NRXN1: variants seen among roughly 807,000 people sequenced by gnomAD.
NRXN1 encodes neurexin 1.
A neutral mutation model predicts 150.9 loss-of-function variants in NRXN1; 39 were observed. That is an observed-to-expected ratio of 0.26 (90% CI 0.20 to 0.34). The LOEUF (loss-of-function observed/expected upper bound fraction) is 0.34, where lower values mean the gene tolerates loss of function less well. NRXN1 is among the 10% of genes least tolerant of loss of function. The pLI is 1.00. For synonymous variants in NRXN1, 924 were observed against 757.0 expected, an observed-to-expected ratio of 1.22 and a Z score of -3.62; for missense variants, 1,815 against 1,949.9, an observed-to-expected ratio of 0.93 and a Z score of 1.30.
At chr2:50,701,901 C>G (rs975586060) in intron 5 of NRXN1, among the ~76,000 whole-genome samples, 1 of 152,180 alleles carries the variant, frequency 6.6e-6, no homozygotes, top group Admixed American at 6.5e-5. Context: ...AATTTGTAAC[C>G]AGTCCCTCAT....
At chr2:50,775,249 C>T (rs1345335773) in intron 5 of NRXN1, among the ~76,000 whole-genome samples, 1 of 152,084 alleles carries the variant, frequency 6.6e-6, no homozygotes, top group Non-Finnish European at 1.5e-5. Context: ...GATTCTCTAA[C>T]AGTAGCAGAC....
At chr2:50,116,847 G>A (rs773543321) in intron 18 of NRXN1, among the ~76,000 whole-genome samples, 1 of 152,124 alleles carries the variant, frequency 6.6e-6, no homozygotes, top group Non-Finnish European at 1.5e-5. Context: ...TGAAAACAGG[G>A]TGGTTTTTCT....
At chr2:50,569,976 C>T (rs1034585701) in intron 8 of NRXN1, among the ~76,000 whole-genome samples, 5 of 152,164 alleles carry the variant, frequency 3.3e-5, no homozygotes, top group Non-Finnish European at 7.3e-5. Flanking sequence ...TTGTCTAATA[C>T]GGATGCTCTC....
chr2:50,863,451 G>A (rs1676432012), intron 5 of NRXN1, among the ~76,000 whole-genome samples: 1 of 151,908 alleles, frequency 6.6e-6, no homozygotes, highest in African/African-American at 2.4e-5. Flanking sequence ...GAGTAAACCT[G>A]CTTCAGAGTC....
intron 2 of NRXN1, among the ~76,000 whole-genome samples, chr2:50,937,643 G>C (rs1040832225): frequency 6.6e-6 from 1 of 152,004 alleles, no homozygotes; most frequent in Non-Finnish European, 1.5e-5. Flanking sequence ...TTATGAAGTA[G>C]ATGATGATGA....
chr2:50,691,169 G>A (rs527857447), intron 5 of NRXN1, among the ~76,000 whole-genome samples: 5 of 152,198 alleles, frequency 3.3e-5, no homozygotes, highest in East Asian at 3.9e-4. Context: ...GTTATGCATC[G>A]TTGATTTTAT....
intron 18 of NRXN1, among the ~76,000 whole-genome samples, chr2:50,128,573 A>G (rs11125288): frequency 0.28 from 42,124 of 152,076 alleles, 6,313 homozygotes; most frequent in Admixed American, 0.42. Flanking sequence ...ACGATCTCCC[A>G]GTATAAAATT....
chr2:50,779,792 A>C (rs1302065023), intron 5 of NRXN1, among the ~76,000 whole-genome samples: 1 of 151,294 alleles, frequency 6.6e-6, no homozygotes, highest in East Asian at 1.9e-4. Context: ...ATAAAATAAA[A>C]CAAAACAAAA....
rs375210283 is a variant in NRXN1, at chr2:50,416,305, G to A, written c.3364+49137C>T. 2.6e-5 allele frequency among the ~76,000 whole-genome samples: 4 copies of A among 152,080 alleles called. No individual in the cohort carries two copies. In the East Asian group the frequency reaches 5.8e-4, roughly 22 times the overall value. On this transcript the variant is annotated intron_variant, in intron 17 of 22. Coordinates refer to ENST00000401669, the MANE Select transcript of NRXN1 (RefSeq NM_001330078.2). ...TACCAAGAAAGGAGACAGGAGGAAGGCAGGAAAGTAAAAGGTTGGGAGAAC... is the reference window on the plus strand; with the variant it reads ...TACCAAGAAAGGAGACAGGAGGAAGACAGGAAAGTAAAAGGTTGGGAGAAC...
intron 5 of NRXN1, among the ~76,000 whole-genome samples, chr2:50,867,595 A>G (rs146164226): frequency 6.6e-6 from 1 of 151,878 alleles, no homozygotes; most frequent in East Asian, 1.9e-4. Context: ...CATTGGAGAG[A>G]TATGCCTTTA....
intron 15 of NRXN1, among the ~76,000 whole-genome samples, chr2:50,493,358 C>T (rs2091370959): frequency 6.6e-6 from 1 of 152,132 alleles, no homozygotes. Context: ...TCAAACATTA[C>T]TGCTGCAAAA....
chr2:50,493,543 T>C (rs2091385724), intron 15 of NRXN1, among the ~76,000 whole-genome samples: 1 of 152,146 alleles, frequency 6.6e-6, no homozygotes, highest in African/African-American at 2.4e-5. Flanking sequence ...CAATGCTCCA[T>C]AAATACTCAT....
intron 21 of NRXN1, among the ~76,000 whole-genome samples, chr2:50,037,979 T>G (rs1291252463): frequency 1.3e-5 from 2 of 152,088 alleles, no homozygotes; most frequent in Non-Finnish European, 2.9e-5. Context: ...GTCATTTGAA[T>G]GTGAAAAGAA....
chr2:49,953,932 G>A (rs1674452599), intron 21 of NRXN1, among the ~76,000 whole-genome samples: 1 of 151,910 alleles, frequency 6.6e-6, no homozygotes, highest in African/African-American at 2.4e-5. Context: ...TAGATGACAG[G>A]TTGATGGGTG....
At chr2:50,661,834 C>T (rs77009079) in intron 5 of NRXN1, among the ~76,000 whole-genome samples, 6,432 of 152,094 alleles carry the variant, frequency 0.042, 476 homozygotes, top group African/African-American at 0.15. Flanking sequence ...GACATGCAAA[C>T]GCTGTGGTAG....
chr2:50,776,295 T>C (rs1188794169), intron 5 of NRXN1, among the ~76,000 whole-genome samples: 1 of 152,122 alleles, frequency 6.6e-6, no homozygotes, highest in African/African-American at 2.4e-5. Flanking sequence ...ACATATTTTC[T>C]GCTGGATTTA....
chr2:50,106,753 C>A (rs776942102), intron 18 of NRXN1, among the ~76,000 whole-genome samples: 7 of 151,880 alleles, frequency 4.6e-5, no homozygotes, highest in Admixed American at 1.3e-4. Context: ...AAAAAAAACC[C>A]TAAAAGAAAT....
chr2:50,773,918 C>A (rs960517349), intron 5 of NRXN1, among the ~76,000 whole-genome samples: 1 of 152,090 alleles, frequency 6.6e-6, no homozygotes, highest in Non-Finnish European at 1.5e-5. Context: ...CAACAGAACA[C>A]TGATGAGAAG....
At chr2:50,410,945 T>C (rs2083104675) in intron 17 of NRXN1, among the ~76,000 whole-genome samples, 1 of 152,226 alleles carries the variant, frequency 6.6e-6, no homozygotes, top group Non-Finnish European at 1.5e-5. Context: ...TTAAGTTATA[T>C]CTGAACTAAA....
Sources: allele counts gnomAD v4.1 joint callset (sites outside exome capture counted in the v4.1 genomes callset), GRCh38; gene constraint gnomAD v4.1.1; transcripts MANE v1.5; gene names NCBI Gene and HGNC (gene_info 2026-07-23, HGNC 2026-07-21).